The following VPS41 variants were observed in gnomAD, a reference collection of about 807,000 sequenced individuals.
VPS41 encodes vacuolar protein sorting-associated protein 41 homolog.
In VPS41, 85 loss-of-function variants were observed where a neutral mutation model predicts 130.9. The ratio of observed to expected loss-of-function variants is 0.65; its 90% CI spans 0.55 to 0.78. The LOEUF is 0.78. Ranked by LOEUF, VPS41 falls within the 30% of genes least tolerant of loss-of-function variation. The probability of loss-of-function intolerance (pLI) is 0.00; values close to 1 mark genes in which losing one functional copy is unlikely to be tolerated. For missense variants in VPS41, 874 were observed against 1,018.7 expected (o/e 0.86, Z 1.93); for synonymous variants, 335 against 332.9 (o/e 1.01, Z -0.07).
At chr7:38,741,813 G>A (rs187776178) in intron 25 of VPS41, among the ~76,000 whole-genome samples, 172 bp downstream of exon 25, 8 of 152,324 alleles carry the variant, frequency 5.3e-5, no homozygotes, top group African/African-American at 1.7e-4. Context: ...AATTTTAAAG[G>A]TGATGTTTCT....
At chr7:38,834,384 G>C (rs1785449666) in intron 4 of VPS41, among the ~76,000 whole-genome samples, 2 of 152,176 alleles carry the variant, frequency 1.3e-5, no homozygotes, top group South Asian at 4.1e-4. Flanking sequence ...AGCAATCACA[G>C]AAAGCATCCT....
At chr7:38,848,502 G>T (rs1785776101) in intron 4 of VPS41, among the ~76,000 whole-genome samples, 1 of 152,044 alleles carries the variant, frequency 6.6e-6, no homozygotes, top group African/African-American at 2.4e-5. Context: ...AAAAATAATA[G>T]TTCTTCAGGA....
intron 5 of VPS41, among the ~76,000 whole-genome samples, chr7:38,824,649 C>T (rs1031601419): frequency 5.3e-5 from 8 of 151,910 alleles, no homozygotes; most frequent in Admixed American, 1.3e-4. Context: ...TAGAATAGAA[C>T]AACAACAAAA....
intron 2 of VPS41, among the ~76,000 whole-genome samples, chr7:38,873,341 G>A (rs928681953): frequency 6.6e-5 from 10 of 151,442 alleles, no homozygotes; most frequent in African/African-American, 2.4e-4. Context: ...TGAAAAATAC[G>A]ATTCATGGAG....
intron 21 of VPS41, among the ~76,000 whole-genome samples, chr7:38,752,666 C>T (rs527728618): frequency 6.6e-6 from 1 of 152,272 alleles, no homozygotes; most frequent in East Asian, 1.9e-4. Flanking sequence ...ATGAACTTAG[C>T]ATACACTAAG....
At chr7:38,879,296 G>A (rs1490871642) in intron 2 of VPS41, among the ~76,000 whole-genome samples, 1 of 152,146 alleles carries the variant, frequency 6.6e-6, no homozygotes, top group Non-Finnish European at 1.5e-5. Context: ...GAAATGGGCA[G>A]CAACAGCCCA....
chr7:38,734,253 T>C (rs897247050), intron 25 of VPS41, among the ~76,000 whole-genome samples: 1 of 152,224 alleles, frequency 6.6e-6, no homozygotes, highest in African/African-American at 2.4e-5. Context: ...CCTATATTTT[T>C]CCAAGATTAT....
intron 9 of VPS41, among the ~76,000 whole-genome samples, chr7:38,792,603 G>T (rs1290899240): frequency 6.6e-6 from 1 of 152,130 alleles, no homozygotes; most frequent in Admixed American, 6.5e-5. Flanking sequence ...TTATGGAGAT[G>T]ACTGCGGTAG....
intron 5 of VPS41, among the ~76,000 whole-genome samples, chr7:38,828,375 A>AT (rs1785322154): frequency 6.6e-6 from 1 of 152,216 alleles, no homozygotes; most frequent in East Asian, 1.9e-4. Flanking sequence ...AACTGCTGGA[A>AT]TTATGACTTG....
chr7:38,792,828 C>T (rs1201699478), intron 9 of VPS41, among the ~76,000 whole-genome samples: 1 of 152,078 alleles, frequency 6.6e-6, no homozygotes, highest in Non-Finnish European at 1.5e-5. Context: ...CCTCCCCGAC[C>T]CCCACTTACA....
At chr7:38,871,107 GA>G (rs1480702622) in intron 2 of VPS41, among the ~76,000 whole-genome samples, 5 of 152,146 alleles carry the variant, frequency 3.3e-5, no homozygotes, top group Admixed American at 6.5e-5. Flanking sequence ...AACATTTAAA[GA>G]GATAACAACA....
At chr7:38,890,389 G>C (rs1288697269) in intron 2 of VPS41, among the ~76,000 whole-genome samples, 1 of 152,176 alleles carries the variant, frequency 6.6e-6, no homozygotes, top group Non-Finnish European at 1.5e-5. Context: ...GTGCGGCAAG[G>C]AGTGGCTGTG....
chr7:38,813,461 G>A (rs1458078166), intron 7 of VPS41, among the ~76,000 whole-genome samples: 1 of 152,142 alleles, frequency 6.6e-6, no homozygotes, highest in African/African-American at 2.4e-5. Context: ...TGGTTACACA[G>A]CACTGTAAAT....
At chr7:38,833,864 A>G (rs1214616962) in intron 4 of VPS41, among the ~76,000 whole-genome samples, 1 of 152,172 alleles carries the variant, frequency 6.6e-6, no homozygotes, top group Non-Finnish European at 1.5e-5. Context: ...ATAAAACTCA[A>G]TAAGAATATT....
At position 38,888,806 on chromosome 7, in the gene VPS41, C is replaced by T. The variant is rs535867291; in HGVS notation, c.60+9285G>A. ...ACACTCCTCAGCAAATGTAAAAGAA[C>T]AGAAATCACAACAAACTGTCTCTCA... On this transcript the variant is annotated intron_variant, in intron 2 of 28. Coordinates refer to ENST00000310301, the MANE Select transcript of VPS41 (RefSeq NM_014396.4). Among the ~76,000 whole-genome samples the T allele has an allele frequency of 3.3e-5, 5 of 152,226 alleles. No individual in the cohort carries two copies. The South Asian group carries it at 1.0e-3, about 32-fold the overall frequency.
chr7:38,727,621 T>C (rs779932402), intron 27 of VPS41, among the ~76,000 whole-genome samples: 10 of 152,206 alleles, frequency 6.6e-5, no homozygotes, highest in Non-Finnish European at 1.5e-4. Context: ...CTTCTTCACC[T>C]GAGCCCATGC....
intron 10 of VPS41, among the ~76,000 whole-genome samples, chr7:38,777,094 T>C (rs958264468): frequency 6.6e-6 from 1 of 152,198 alleles, no homozygotes; most frequent in Non-Finnish European, 1.5e-5. Flanking sequence ...TGAAGATGCT[T>C]TGAAACCCAT....
rs958837348 is a variant in VPS41, at chr7:38,723,099, A to G, written c.*3147T>C. On this transcript the variant is annotated 3_prime_UTR_variant, in exon 29 of 29. Coordinates refer to ENST00000310301, the MANE Select transcript of VPS41 (RefSeq NM_014396.4). ...ACTCATTAAGTAGAAGTGGATCATC[A>G]TAAGTGTTTCATCTCTGTCGTCTTC... 3 of 152,232 alleles carry G rather than the reference A, an allele frequency of 2.0e-5. No individual in the cohort carries two copies. The highest frequency in any genetic ancestry group is 4.4e-5 in the Non-Finnish European group (3 of 68,048). The allele number at this position is 152,232 out of a possible 1,614,324, so 9.4% of individuals were successfully genotyped here.
At position 38,763,418 on chromosome 7, in the gene VPS41, G is replaced by A. The variant is rs369668349; in HGVS notation, c.1422+37C>T. The stretch of plus-strand genomic sequence containing the variant: ...TCTAGATTTCCTAACACCTCCCATC[G>A]AGAACAAGTAAATATGACCACATCA... On this transcript the variant is annotated intron_variant, in intron 17 of 28. Transcript: ENST00000310301. 107 of 1,400,970 alleles carry A rather than the reference G, an allele frequency of 7.6e-5. No individual in the cohort carries two copies. The African/African-American group carries it at 1.2e-3, about 16-fold the overall frequency. The allele number at this position is 1,400,970 out of a possible 1,614,324, so 86.8% of individuals were successfully genotyped here. A position where few individuals can be genotyped will look rare whatever the true frequency, so the allele number is the denominator to read the frequency against.
Sources: allele counts gnomAD v4.1 joint callset (sites outside exome capture counted in the v4.1 genomes callset), GRCh38; gene constraint gnomAD v4.1.1; transcripts MANE v1.5; gene names NCBI Gene and HGNC (gene_info 2026-07-23, HGNC 2026-07-21).